Variants in MYO16 observed in about 807,000 individuals in gnomAD.
MYO16 encodes the protein myosin XVI.
A neutral mutation model predicts 205.3 loss-of-function variants in MYO16; 94 were observed. The observed-to-expected ratio is 0.46, with a 90% CI of 0.39 to 0.54. The LOEUF is 0.54. Ranked by LOEUF, MYO16 falls within the 20% of genes least tolerant of loss-of-function variation. MYO16 has a pLI of 0.00. For missense variants in MYO16, 2,315 were observed against 2,387.5 expected, an observed-to-expected ratio of 0.97 and a Z score of 0.63; for synonymous variants, 988 against 954.0, an observed-to-expected ratio of 1.04 and a Z score of -0.66.
chr13:108,597,197 G>A (rs1878594420), intron 1 of MYO16, among the ~76,000 whole-genome samples: 1 of 152,142 alleles, frequency 6.6e-6, no homozygotes, highest in Non-Finnish European at 1.5e-5. Flanking sequence ...TCATGAGTTA[G>A]ACATTTTTGT....
Position 108,724,245 on chromosome 13 carries a change from C to T in MYO16, c.364-3195C>T, listed in dbSNP as rs72666765. ...TCTACATAGATGATCATGTCATATGCGAATAATGGCAGTTTTAATATTTGC... is the reference window on the plus strand; with the variant it reads ...TCTACATAGATGATCATGTCATATGTGAATAATGGCAGTTTTAATATTTGC... On this transcript the variant is annotated intron_variant, in intron 3 of 34. Transcript: ENST00000457511. Among the ~76,000 whole-genome samples the T allele has an allele frequency of 5.1e-3, 781 of 152,174 alleles. 5 individuals are homozygous for T. Among genetic ancestry groups the T allele is most frequent in the Non-Finnish European group, 7.5e-3 (509 of 67,994 alleles).
intron 16 of MYO16, among the ~76,000 whole-genome samples, chr13:108,923,084 C>T (rs1412486903): frequency 6.6e-6 from 1 of 152,108 alleles, no homozygotes; most frequent in Non-Finnish European, 1.5e-5. Context: ...AACCCTGATT[C>T]GTAAAAACAG....
intron 27 of MYO16, among the ~76,000 whole-genome samples, chr13:109,077,473 A>T (rs1888146061): frequency 6.6e-6 from 1 of 152,162 alleles, no homozygotes; most frequent in African/African-American, 2.4e-5. Context: ...TAATTGACGA[A>T]TTTGCATTGA....
intron 2 of MYO16, among the ~76,000 whole-genome samples, chr13:108,685,545 A>G (rs1237878957): frequency 6.6e-6 from 1 of 152,216 alleles, no homozygotes; most frequent in African/African-American, 2.4e-5. Flanking sequence ...TTTCAGGTGT[A>G]GTAGAAGGAA....
intron 4 of MYO16, among the ~76,000 whole-genome samples, chr13:108,752,523 G>C (rs113758438): frequency 3.3e-5 from 5 of 152,294 alleles, no homozygotes; most frequent in African/African-American, 1.2e-4. Flanking sequence ...GAAATCCTAA[G>C]AGACATTTCA....
intron 13 of MYO16, among the ~76,000 whole-genome samples, chr13:108,883,925 C>T (rs1879734731): frequency 6.6e-6 from 1 of 152,104 alleles, no homozygotes; most frequent in South Asian, 2.1e-4. Flanking sequence ...GCATTTGGCC[C>T]AGAATATTTT....
chr13:108,579,319 T>C, the MYO16 span, among the ~76,000 whole-genome samples: 2 of 152,168 alleles, frequency 1.3e-5, no homozygotes, highest in African/African-American at 2.4e-5. Flanking sequence ...AGAAATTTAG[T>C]ATCTAGAAGG....
At chr13:109,008,745 CACT>C in intron 21 of MYO16, 149 bp from the exon 22 acceptor site, 1 of 508,516 alleles carries the variant, frequency 2.0e-6, no homozygotes, top group Non-Finnish European at 3.4e-6. Context: ...CTTGTGTATG[CACT>C]ACTGTACTAT....
chr13:108,854,431 A>G (rs535254263), intron 10 of MYO16, among the ~76,000 whole-genome samples: 1 of 152,310 alleles, frequency 6.6e-6, no homozygotes, highest in Non-Finnish European at 1.5e-5. Context: ...TAGTTTTATT[A>G]AAGATGTTTA....
At chr13:108,970,024 C>G (rs527836209) in intron 20 of MYO16, among the ~76,000 whole-genome samples, 1 of 152,130 alleles carries the variant, frequency 6.6e-6, no homozygotes, top group Non-Finnish European at 1.5e-5. Context: ...AAGTATTTGC[C>G]ATTCTTTTGC....
chr13:108,678,963 G>A (rs1243172008), intron 2 of MYO16, among the ~76,000 whole-genome samples: 1 of 152,074 alleles, frequency 6.6e-6, no homozygotes, highest in African/African-American at 2.4e-5. Context: ...CTTCTTACTA[G>A]GTACTCACAG....
At chr13:108,843,755 A>G (rs1004044655) in intron 9 of MYO16, among the ~76,000 whole-genome samples, 4 of 152,186 alleles carry the variant, frequency 2.6e-5, no homozygotes, top group African/African-American at 7.2e-5. Context: ...TAAAGTCAAT[A>G]GAAAAATAAA....
chr13:108,507,326 T>G, the MYO16 span, among the ~76,000 whole-genome samples: 11 of 152,174 alleles, frequency 7.2e-5, no homozygotes, highest in Non-Finnish European at 1.2e-4. Context: ...GATGAACTCC[T>G]TTAGCTTTCT....
At chr13:109,169,013 C>G (rs1878817516) in intron 33 of MYO16, among the ~76,000 whole-genome samples, 1 of 152,088 alleles carries the variant, frequency 6.6e-6, no homozygotes, top group Non-Finnish European at 1.5e-5. Flanking sequence ...TTCATTCCAT[C>G]CCATCCTCCC....
intron 9 of MYO16, among the ~76,000 whole-genome samples, chr13:108,842,396 G>A (rs1877291821): frequency 6.6e-6 from 1 of 151,956 alleles, no homozygotes. Context: ...AGTATGTAAT[G>A]AACTCACACA....
chr13:108,752,006 A>G, intron 4 of MYO16, among the ~76,000 whole-genome samples: 1 of 152,202 alleles, frequency 6.6e-6, no homozygotes, highest in Non-Finnish European at 1.5e-5. Context: ...ACTTCAGTTC[A>G]TGATCATGTA....
chr13:108,687,639 G>A (rs1386925315), intron 2 of MYO16, among the ~76,000 whole-genome samples: 1 of 152,186 alleles, frequency 6.6e-6, no homozygotes, highest in Non-Finnish European at 1.5e-5. Context: ...AAAAGAACTT[G>A]ATGTATTTGA....
chr13:108,769,582 G>A (rs569441817), intron 4 of MYO16, among the ~76,000 whole-genome samples: 50 of 152,342 alleles, frequency 3.3e-4, no homozygotes, highest in African/African-American at 1.2e-3. Flanking sequence ...AAGGTTTTGA[G>A]GTGGGGCTGT....
chr13:109,079,576 G>T (rs905508244), intron 27 of MYO16, among the ~76,000 whole-genome samples: 1 of 152,072 alleles, frequency 6.6e-6, no homozygotes, highest in African/African-American at 2.4e-5. Context: ...AGCACACATG[G>T]ACATAAATAT....
Sources: allele counts gnomAD v4.1 joint callset (sites outside exome capture counted in the v4.1 genomes callset), GRCh38; gene constraint gnomAD v4.1.1; transcripts MANE v1.5; gene names NCBI Gene and HGNC (gene_info 2026-07-23, HGNC 2026-07-21).